Variants in ARHGAP15 observed in about 807,000 individuals in gnomAD.
ARHGAP15 encodes the protein rho GTPase-activating protein 15.
Under a neutral mutation model 63.7 loss-of-function variants are expected in ARHGAP15, and 51 were observed. The observed-to-expected ratio is 0.80, with a 90% CI of 0.64 to 1.01. The LOEUF (loss-of-function observed/expected upper bound fraction) is 1.01. Among genes scored for constraint, ARHGAP15 ranks in the 50% least tolerant of loss-of-function variants. The pLI, the probability that ARHGAP15 is intolerant of heterozygous loss-of-function variation, is 0.00. For synonymous variants in ARHGAP15, 191 were observed against 193.8 expected (o/e 0.99, Z 0.12); for missense variants, 560 against 564.6 (o/e 0.99, Z 0.08).
chr2:143,726,434 A>G (rs28505856), intron 13 of ARHGAP15, among the ~76,000 whole-genome samples: 30 of 148,812 alleles, frequency 2.0e-4, no homozygotes, highest in Admixed American at 5.4e-4. Flanking sequence ...CAAAAAAAAA[A>G]GAAAAAAAAA....
At chr2:143,354,217 C>T (rs941739532) in intron 6 of ARHGAP15, among the ~76,000 whole-genome samples, 2 of 152,166 alleles carry the variant, frequency 1.3e-5, no homozygotes, top group Non-Finnish European at 2.9e-5. Context: ...AGTTTTGAAA[C>T]TGCAGCTCCT....
At chr2:143,526,365 A>G (rs1361798401) in intron 10 of ARHGAP15, among the ~76,000 whole-genome samples, 1 of 152,152 alleles carries the variant, frequency 6.6e-6, no homozygotes, top group Non-Finnish European at 1.5e-5. Context: ...CGCTTCCCAG[A>G]TACAGCCTGA....
At chr2:143,236,554 G>T (rs1011993257) in intron 5 of ARHGAP15, 1 of 152,122 alleles carries the variant, frequency 6.6e-6, no homozygotes, top group African/African-American at 2.4e-5. Flanking sequence ...GTTGGTAGTT[G>T]TCCTAAAATG....
At chr2:143,180,280 C>A (rs1380045144) in intron 2 of ARHGAP15, among the ~76,000 whole-genome samples, 1 of 152,214 alleles carries the variant, frequency 6.6e-6, no homozygotes, top group Non-Finnish European at 1.5e-5. Context: ...ACATTCACGG[C>A]CTCTTCACTG....
chr2:143,594,088 G>C (rs530118461), intron 11 of ARHGAP15, among the ~76,000 whole-genome samples: 2 of 152,108 alleles, frequency 1.3e-5, no homozygotes, highest in Non-Finnish European at 2.9e-5. Context: ...ATGTGTGTGC[G>C]TGTGTAGATG....
intron 6 of ARHGAP15, among the ~76,000 whole-genome samples, chr2:143,351,886 A>C (rs1685590208): frequency 6.6e-6 from 1 of 152,218 alleles, no homozygotes; most frequent in Non-Finnish European, 1.5e-5. Flanking sequence ...GAAGTAACAT[A>C]GATTCTCATT....
At position 143,444,679 on chromosome 2, in the gene ARHGAP15, GA is replaced by G. The variant is rs570541568; in HGVS notation, c.703+7647del. Reference sequence around the variant, plus strand: ...AATAGGCCTAATAACATGCTTGGGGGAAAAAAAAAATCCGTTGTTAACACAT... The same window carrying G: ...AATAGGCCTAATAACATGCTTGGGGGAAAAAAAAATCCGTTGTTAACACAT... On this transcript the variant is annotated intron_variant, in intron 8 of 13. Coordinates refer to ENST00000295095, the MANE Select transcript of ARHGAP15 (RefSeq NM_018460.4). Among the ~76,000 whole-genome samples the G allele has an allele frequency of 3.7e-3, 546 of 148,572 alleles. 2 individuals are homozygous for G. Among genetic ancestry groups the G allele is most frequent in the African/African-American group, 4.7e-3 (189 of 40,630 alleles).
At chr2:143,535,278 T>C (rs931539153) in intron 10 of ARHGAP15, among the ~76,000 whole-genome samples, 2 of 152,212 alleles carry the variant, frequency 1.3e-5, no homozygotes, top group African/African-American at 4.8e-5. Flanking sequence ...TCCCATTATG[T>C]ACTTGCCCCC....
intron 3 of ARHGAP15, among the ~76,000 whole-genome samples, chr2:143,210,934 G>C (rs530698517): frequency 6.6e-6 from 1 of 151,394 alleles, no homozygotes; most frequent in Non-Finnish European, 1.5e-5. Flanking sequence ...ATTTACATCA[G>C]ACAAAAACAT....
At chr2:143,652,108 A>T (rs1681197330) in intron 12 of ARHGAP15, among the ~76,000 whole-genome samples, 1 of 151,982 alleles carries the variant, frequency 6.6e-6, no homozygotes, top group Non-Finnish European at 1.5e-5. Flanking sequence ...CTTCTTTATT[A>T]GTGTAATTTT....
chr2:143,455,408 G>A (rs1186639849), intron 8 of ARHGAP15, among the ~76,000 whole-genome samples: 1 of 151,830 alleles, frequency 6.6e-6, no homozygotes, highest in Non-Finnish European at 1.5e-5. Context: ...TATCAGCAAG[G>A]TCTTTGTGAC....
intron 6 of ARHGAP15, among the ~76,000 whole-genome samples, chr2:143,328,741 T>A (rs887713829): frequency 6.6e-6 from 1 of 151,282 alleles, no homozygotes; most frequent in Non-Finnish European, 1.5e-5. Flanking sequence ...AATAAAAAAA[T>A]AGGATGAATA....
chr2:143,768,201 A>G lies in ARHGAP15; in HGVS notation c.*29A>G. The stretch of plus-strand genomic sequence containing the variant: ...ACAAGACAAGCTACTGAATACGTTC[A>G]CATCTGTCTTGATGCCTAATATTTT... On this transcript the variant is annotated 3_prime_UTR_variant, in exon 14 of 14. Coordinates refer to ENST00000295095, the MANE Select transcript of ARHGAP15 (RefSeq NM_018460.4). 6.4e-7 allele frequency: 1 copy of G among 1,563,294 alleles called. No individual in the cohort carries two copies.
chr2:143,376,524 T>G (rs929361887), intron 6 of ARHGAP15, among the ~76,000 whole-genome samples: 1 of 152,100 alleles, frequency 6.6e-6, no homozygotes, highest in Non-Finnish European at 1.5e-5. Context: ...CTAAGAACAT[T>G]TATTTTTATC....
chr2:143,390,024 A>AG (rs956849197), intron 6 of ARHGAP15, among the ~76,000 whole-genome samples: 3 of 151,104 alleles, frequency 2.0e-5, no homozygotes, highest in African/African-American at 7.3e-5. Context: ...AAAAAAAAAA[A>AG]GCAGTAAGGT....
intron 12 of ARHGAP15, among the ~76,000 whole-genome samples, chr2:143,660,004 T>C (rs762768577): frequency 1.3e-5 from 2 of 152,184 alleles, no homozygotes; most frequent in Non-Finnish European, 2.9e-5. Context: ...TTCCTACCAT[T>C]GTTCCTAATC....
chr2:143,316,432 A>G (rs1334116859), intron 6 of ARHGAP15, among the ~76,000 whole-genome samples: 1 of 151,584 alleles, frequency 6.6e-6, no homozygotes, highest in East Asian at 1.9e-4. Context: ...CATCCAAGCT[A>G]GGTGCTAGAG....
At chr2:143,154,063 G>GAA (rs1689981442) in intron 1 of ARHGAP15, among the ~76,000 whole-genome samples, 2 of 151,364 alleles carry the variant, frequency 1.3e-5, no homozygotes, top group Admixed American at 6.6e-5. Flanking sequence ...AGACATATGG[G>GAA]TCTTCTTTTG....
intron 6 of ARHGAP15, among the ~76,000 whole-genome samples, chr2:143,274,510 G>A (rs997663538): frequency 2.0e-5 from 3 of 152,124 alleles, no homozygotes; most frequent in African/African-American, 7.2e-5. Flanking sequence ...ATGTTCAATG[G>A]TGCCTGGCTG....
Sources: gnomAD v4.1 joint callset for allele counts (sites outside exome capture counted in the v4.1 genomes callset) on GRCh38, gnomAD v4.1.1 for gene constraint, MANE v1.5 for transcripts, NCBI Gene and HGNC (gene_info 2026-07-23, HGNC 2026-07-21) for gene names.